Variants in CLIP1 observed in about 807,000 individuals in gnomAD.
The protein encoded by CLIP1 is CAP-Gly domain containing linker protein 1.
CLIP1 carries 66 observed loss-of-function variants against 161.6 expected under a neutral mutation model. That is an observed-to-expected ratio of 0.41 (90% CI 0.33 to 0.50). The LOEUF is 0.50. Among genes scored for constraint, CLIP1 ranks in the 20% least tolerant of loss-of-function variants. The pLI, the probability that CLIP1 is intolerant of heterozygous loss-of-function variation, is 0.27. For synonymous variants in CLIP1, 598 were observed against 626.2 expected (o/e 0.96, Z 0.67); for missense variants, 1,376 against 1,702.0 (o/e 0.81, Z 3.37).
chr12:122,366,666 C>T (rs1437984943), intron 3 of CLIP1, among the ~76,000 whole-genome samples: 2 of 152,244 alleles, frequency 1.3e-5, no homozygotes, highest in African/African-American at 4.8e-5. Flanking sequence ...CATGGTGAAA[C>T]TCCATCTCTA....
At chr12:122,372,855 C>T (rs1954523460) in intron 3 of CLIP1, among the ~76,000 whole-genome samples, 1 of 152,140 alleles carries the variant, frequency 6.6e-6, no homozygotes, top group African/African-American at 2.4e-5. Flanking sequence ...AGAGCATAAA[C>T]TCCCACCCAA....
intron 3 of CLIP1, among the ~76,000 whole-genome samples, chr12:122,364,567 AT>A (rs368260844): frequency 5.3e-5 from 8 of 150,258 alleles, no homozygotes; most frequent in African/African-American, 2.0e-4. Flanking sequence ...CAAACAGGCT[AT>A]TTTTTTTTGT....
chr12:122,317,645 TG>T lies in CLIP1; in HGVS notation c.3367-791del, dbSNP rs1951321361. Among the ~76,000 whole-genome samples, 7 of 152,212 alleles carry T rather than the reference TG, an allele frequency of 4.6e-5. No individual in the cohort carries two copies. In the South Asian group the frequency reaches 1.4e-3, roughly 32 times the overall value. On this transcript the variant is annotated intron_variant, in intron 18 of 25. Coordinates refer to ENST00000620786, the MANE Select transcript of CLIP1 (RefSeq NM_001247997.2). ...CTCAAGGTGGCTCCTGGGGCCATGCTGGCTTTCTGGGCCTTGAGAAGTTGTC... is the reference window on the plus strand; with the variant it reads ...CTCAAGGTGGCTCCTGGGGCCATGCTGCTTTCTGGGCCTTGAGAAGTTGTC...
At chr12:122,380,046 C>T (rs550645184) in intron 2 of CLIP1, among the ~76,000 whole-genome samples, 1 of 151,330 alleles carries the variant, frequency 6.6e-6, no homozygotes, top group South Asian at 2.1e-4. Flanking sequence ...AGATCGAGAC[C>T]AGCCTGGCCA....
At chr12:122,363,936 C>G (rs367837404) in intron 4 of CLIP1, 47 bp downstream of exon 4, 11 of 1,612,164 alleles carry the variant, frequency 6.8e-6, no homozygotes, top group Non-Finnish European at 8.5e-6. Context: ...GCCTGAGCAT[C>G]GTCACGTACA....
chr12:122,344,659 T>C (rs1171675285), intron 10 of CLIP1, among the ~76,000 whole-genome samples: 2 of 152,228 alleles, frequency 1.3e-5, no homozygotes, highest in Non-Finnish European at 2.9e-5. Flanking sequence ...TTTCCCAAAA[T>C]CTGCCCTAAT....
chr12:122,274,006 T>C lies in CLIP1; in HGVS notation c.4091+32A>G, dbSNP rs1290707098. On this transcript the variant is annotated intron_variant, in intron 25 of 25. Transcript: ENST00000620786. ...CCTCGGCCTCCCAAAGTGCTGGGATTATAGCAATCAGTATGTCTTCATATG... is the reference window on the plus strand; with the variant it reads ...CCTCGGCCTCCCAAAGTGCTGGGATCATAGCAATCAGTATGTCTTCATATG... 5 of 1,608,076 alleles carry C rather than the reference T, an allele frequency of 3.1e-6. No homozygotes were observed. The South Asian group carries it at 5.5e-5, about 18-fold the overall frequency.
intron 1 of CLIP1, among the ~76,000 whole-genome samples, chr12:122,419,145 T>C (rs917716593): frequency 6.6e-6 from 1 of 151,702 alleles, no homozygotes; most frequent in African/African-American, 2.4e-5. Flanking sequence ...CCAAAGCAGG[T>C]GGATCACTTG....
At chr12:122,276,333 T>C in intron 24 of CLIP1, 1 of 1,201,176 alleles carries the variant, frequency 8.3e-7, no homozygotes. Flanking sequence ...AAGAGCTCCA[T>C]TTCAGGAAGA....
In CLIP1 at chr12:122,302,054, TA is replaced by T. The variant is rs200455096; in HGVS notation, c.3594+7707del. 5.3e-5 allele frequency among the ~76,000 whole-genome samples: 8 copies of T among 152,280 alleles called. No homozygotes were observed. In the East Asian group the frequency reaches 1.5e-3, roughly 29 times the overall value. On this transcript the variant is annotated intron_variant, in intron 20 of 25. Transcript: ENST00000620786. ...AGTTGGGTTGGTTTTTTTAAGTTTTTATAAGAAATTTGATTTTTCCGCCTGG... is the reference window on the plus strand; with the variant it reads ...AGTTGGGTTGGTTTTTTTAAGTTTTTTAAGAAATTTGATTTTTCCGCCTGG...
chr12:122,343,463 G>A (rs1264292392), intron 10 of CLIP1: 2 of 152,058 alleles, frequency 1.3e-5, no homozygotes, highest in African/African-American at 4.8e-5. Flanking sequence ...CACAAAGTAA[G>A]AATGATTACT....
intron 17 of CLIP1, among the ~76,000 whole-genome samples, chr12:122,320,371 G>C (rs1171323453): frequency 6.6e-6 from 1 of 152,158 alleles, no homozygotes; most frequent in Non-Finnish European, 1.5e-5. Context: ...AGGGAGCTGA[G>C]ACGGGAGGAT....
intron 1 of CLIP1, among the ~76,000 whole-genome samples, chr12:122,414,303 A>C (rs1662900831): frequency 6.6e-6 from 1 of 151,514 alleles, no homozygotes; most frequent in Non-Finnish European, 1.5e-5. Context: ...ATGTATCATC[A>C]TATTCAGCTA....
chr12:122,390,279 C>CATATATATATATACACACATATATAT (rs1955578115), intron 1 of CLIP1, among the ~76,000 whole-genome samples: 7 of 79,016 alleles, frequency 8.9e-5, no homozygotes, highest in African/African-American at 2.3e-4. Context: ...TATATATATA[C>CATATATATATATACACACATATATAT]ATATATATAT....
intron 1 of CLIP1, among the ~76,000 whole-genome samples, chr12:122,386,221 G>T (rs1955254072): frequency 6.6e-6 from 1 of 151,208 alleles, no homozygotes; most frequent in Non-Finnish European, 1.5e-5. Flanking sequence ...AGGAGACAGA[G>T]GTTGCAGTGA....
At chr12:122,401,847 A>G (rs748680639) in intron 1 of CLIP1, among the ~76,000 whole-genome samples, 1 of 151,636 alleles carries the variant, frequency 6.6e-6, no homozygotes. Flanking sequence ...ACAATACAAA[A>G]TTATCCAGGT....
In CLIP1 at chr12:122,380,569, A is replaced by C. The variant is rs537851159; in HGVS notation, c.-106-11T>G. ...GTCTCTGGATTAAATCTGCAAAGAG[A>C]AAGAAATAAAAAGATTTTATAATCT... On this transcript the variant is annotated splice_polypyrimidine_tract_variant and intron_variant, in intron 1 of 25. Coordinates refer to ENST00000620786, the MANE Select transcript of CLIP1 (RefSeq NM_001247997.2). 11 of 546,244 alleles carry C rather than the reference A, an allele frequency of 2.0e-5. No homozygotes were observed. Among genetic ancestry groups the C allele is most frequent in the Non-Finnish European group, 3.2e-6 (1 of 310,908 alleles). The allele number at this position is 546,244 out of a possible 1,614,324, so 33.8% of individuals were successfully genotyped here.
Position 122,377,549 on chromosome 12 carries a change from T to C in CLIP1, c.497A>G (p.Asn166Ser). 6.2e-7 allele frequency: 1 copy of C among 1,613,878 alleles called. No homozygotes were observed. The highest frequency in any genetic ancestry group is 8.5e-7 in the Non-Finnish European group (1 of 1,179,986). Residue 166 changes from asparagine to serine, a missense_variant, in exon 3 of 26, where the codon AAC becomes AGC. Physicochemically the swap from Asn to Ser is conservative, Grantham distance 46 (BLOSUM62 1). Transcript: ENST00000620786. ...MVSSSPSTPSNIPQKPSQPAA... is the reference protein window; with the variant it reads ...MVSSSPSTPSSIPQKPSQPAA... ...TGGCTGTGATGGTTTCTGAGGGATG[T>C]TTGAAGGGGTGGAGGGGGAGGAAGA... is the stretch of plus-strand genomic sequence containing the variant.
At chr12:122,378,823 C>T (rs1461682089) in intron 2 of CLIP1, among the ~76,000 whole-genome samples, 2 of 152,044 alleles carry the variant, frequency 1.3e-5, no homozygotes, top group Admixed American at 1.3e-4. Context: ...GATGAAACCC[C>T]ATTCCTACTA....
Sources: gnomAD v4.1 joint callset for allele counts (sites outside exome capture counted in the v4.1 genomes callset) on GRCh38, gnomAD v4.1.1 for gene constraint, MANE v1.5 for transcripts, NCBI Gene and HGNC (gene_info 2026-07-23, HGNC 2026-07-21) for gene names.